The following KCNT2 variants were observed in gnomAD, a reference collection of about 807,000 sequenced individuals.
KCNT2 encodes the protein potassium channel subfamily T member 2.
In KCNT2, 67 loss-of-function variants were observed where a neutral mutation model predicts 153.8. The observed-to-expected ratio is 0.44, with a 90% CI of 0.36 to 0.53. KCNT2 has a LOEUF of 0.53. KCNT2 is among the 20% of genes least tolerant of loss of function. KCNT2 has a pLI of 0.00. For synonymous variants in KCNT2, 500 were observed against 458.8 expected, an observed-to-expected ratio of 1.09 and a Z score of -1.15; for missense variants, 975 against 1,354.8, an observed-to-expected ratio of 0.72 and a Z score of 4.40.
chr1:196,262,085 C>T (rs1571835437), intron 25 of KCNT2, among the ~76,000 whole-genome samples: 1 of 151,622 alleles, frequency 6.6e-6, no homozygotes, highest in Non-Finnish European at 1.5e-5. Context: ...TAATTAAAAA[C>T]ACAAAAAATA....
intron 12 of KCNT2, among the ~76,000 whole-genome samples, chr1:196,408,075 C>T (rs982068821): frequency 1.3e-5 from 2 of 151,426 alleles, no homozygotes; most frequent in Non-Finnish European, 3.0e-5. Context: ...GCCAATGTTT[C>T]TCGAGGGCCT....
intron 1 of KCNT2, among the ~76,000 whole-genome samples, chr1:196,537,576 G>T (rs1655755725): frequency 6.6e-6 from 1 of 152,106 alleles, no homozygotes; most frequent in South Asian, 2.1e-4. Flanking sequence ...CAGGAACCTT[G>T]GCCAGTTCCT....
chr1:196,301,598 T>C (rs1661189685), intron 22 of KCNT2, among the ~76,000 whole-genome samples: 1 of 152,112 alleles, frequency 6.6e-6, no homozygotes. Context: ...GTCACAAAAG[T>C]AAAGTAATTG....
At chr1:196,429,817 C>T (rs1673978951) in intron 8 of KCNT2, 60 bp from the exon 9 acceptor site, 1 of 1,220,682 alleles carries the variant, frequency 8.2e-7, no homozygotes, top group African/African-American at 1.5e-5. Flanking sequence ...AATTTCTCAT[C>T]ATTATTCTTT....
chr1:196,481,737 G>A (rs944220333), intron 4 of KCNT2, among the ~76,000 whole-genome samples: 3 of 152,150 alleles, frequency 2.0e-5, no homozygotes, highest in African/African-American at 7.2e-5. Flanking sequence ...AAGTAACGGA[G>A]ACTCTAGGGA....
At chr1:196,585,320 G>A (rs1389200487) in intron 1 of KCNT2, among the ~76,000 whole-genome samples, 1 of 152,112 alleles carries the variant, frequency 6.6e-6, no homozygotes, top group East Asian at 1.9e-4. Context: ...TCTCTTCAAA[G>A]AGAGGATGGG....
intron 22 of KCNT2, among the ~76,000 whole-genome samples, chr1:196,294,710 T>A (rs930019420): frequency 8.5e-5 from 13 of 152,244 alleles, no homozygotes; most frequent in African/African-American, 3.1e-4. Context: ...CATGCCTATG[T>A]TCATGGCAGC....
In KCNT2 at chr1:196,407,411, G is replaced by A. The variant is rs111238534; in HGVS notation, c.1186-8740C>T. Among the ~76,000 whole-genome samples the A allele has an allele frequency of 4.9e-3, 740 of 151,466 alleles. 5 individuals carry two copies. The highest frequency in any genetic ancestry group is 0.017 in the African/African-American group (702 of 41,424). ...AACTCAGTTATATTAGGGATTTCAA[G>A]GTATCTTTTCAAGTTTAAAATTCTG... On this transcript the variant is annotated intron_variant, in intron 12 of 27. Coordinates refer to ENST00000294725, the MANE Select transcript of KCNT2 (RefSeq NM_198503.5).
chr1:196,519,921 A>C (rs1476136662), intron 1 of KCNT2, among the ~76,000 whole-genome samples: 3 of 152,198 alleles, frequency 2.0e-5, no homozygotes, highest in Admixed American at 6.5e-5. Context: ...ATTGAAGAGA[A>C]GTGATTCTTC....
intron 21 of KCNT2, 69 bp downstream of exon 21, chr1:196,315,823 T>G: frequency 7.3e-7 from 1 of 1,365,522 alleles, no homozygotes; most frequent in Non-Finnish European, 1.0e-6. Flanking sequence ...CCTCACAGAG[T>G]CAGTGTCAAA....
At chr1:196,349,317 A>G (rs1666416332) in intron 14 of KCNT2, among the ~76,000 whole-genome samples, 1 of 152,130 alleles carries the variant, frequency 6.6e-6, no homozygotes, top group African/African-American at 2.4e-5. Context: ...GGCAGATCCC[A>G]TTTCTTTAAA....
intron 14 of KCNT2, among the ~76,000 whole-genome samples, chr1:196,355,945 G>A (rs1349078403): frequency 6.6e-6 from 1 of 151,708 alleles, no homozygotes; most frequent in African/African-American, 2.4e-5. Flanking sequence ...CTATTCAAGT[G>A]CTTCATGCCA....
In KCNT2 at chr1:196,601,935, C is replaced by T. The variant is rs137961919; in HGVS notation, c.95+6280G>A. 1.6e-4 allele frequency among the ~76,000 whole-genome samples: 24 copies of T among 152,164 alleles called. 1 individual carries two copies. The East Asian group carries it at 4.6e-3, about 29-fold the overall frequency. ...GTATGGATACAGTTTATCCTATTTA[C>T]TATCTCACAATGTTTAGATAGACGT... On this transcript the variant is annotated intron_variant, in intron 1 of 27. Coordinates refer to ENST00000294725, the MANE Select transcript of KCNT2 (RefSeq NM_198503.5).
rs990216036 is a variant in KCNT2 at position 196,297,986 on chromosome 1, T to G, written c.2595+7248A>C. On this transcript the variant is annotated intron_variant, in intron 22 of 27. Coordinates refer to ENST00000294725, the MANE Select transcript of KCNT2 (RefSeq NM_198503.5). ...TATTCACTTGAGTTTAAATTGAGAA[T>G]GTGTAAATTTTGCCTTCTTACTATT... Among the ~76,000 whole-genome samples, 5 of 152,190 alleles carry G rather than the reference T, an allele frequency of 3.3e-5. No homozygotes were observed. In the South Asian group the frequency reaches 8.3e-4, roughly 25 times the overall value.
chr1:196,240,163 T>C (rs1020376999), intron 26 of KCNT2, among the ~76,000 whole-genome samples: 5 of 152,034 alleles, frequency 3.3e-5, no homozygotes, highest in Non-Finnish European at 7.4e-5. Flanking sequence ...CAGAGGAACA[T>C]TCTATATAAT....
chr1:196,557,025 A>G (rs1273453676), intron 1 of KCNT2, among the ~76,000 whole-genome samples: 14 of 151,284 alleles, frequency 9.3e-5, no homozygotes, highest in Middle Eastern at 3.4e-3. Flanking sequence ...AGGGATGATT[A>G]ATAAATACAA....
chr1:196,256,886 A>G (rs922004837), intron 26 of KCNT2, among the ~76,000 whole-genome samples: 2 of 151,962 alleles, frequency 1.3e-5, no homozygotes, highest in Non-Finnish European at 2.9e-5. Flanking sequence ...ATCACCTTCC[A>G]TGTAAATTAA....
At chr1:196,234,221 A>G (rs1457426408) in intron 27 of KCNT2, among the ~76,000 whole-genome samples, 1 of 151,298 alleles carries the variant, frequency 6.6e-6, no homozygotes, top group Non-Finnish European at 1.5e-5. Context: ...GAAAGTCAAC[A>G]TTTATTAAAA....
chr1:196,491,035 C>T (rs1679819022), intron 2 of KCNT2, among the ~76,000 whole-genome samples: 2 of 151,920 alleles, frequency 1.3e-5, no homozygotes, highest in African/African-American at 4.8e-5. Flanking sequence ...GGGTTCACTT[C>T]CTTAAAAAAT....
Sources: gnomAD v4.1 joint callset for allele counts (sites outside exome capture counted in the v4.1 genomes callset) on GRCh38, gnomAD v4.1.1 for gene constraint, MANE v1.5 for transcripts, NCBI Gene and HGNC (gene_info 2026-07-23, HGNC 2026-07-21) for gene names.